Variants in SORBS2 observed in about 807,000 individuals in gnomAD.
SORBS2 encodes sorbin and SH3 domain containing 2.
In SORBS2, 46 loss-of-function variants were observed where a neutral mutation model predicts 97.7. That is an observed-to-expected ratio of 0.47 (90% confidence interval 0.37 to 0.60). The LOEUF is 0.60. Among genes scored for constraint, SORBS2 ranks in the 20% least tolerant of loss-of-function variants. SORBS2 has a pLI of 0.00. For synonymous variants in SORBS2, 476 were observed against 473.4 expected, an observed-to-expected ratio of 1.01 and a Z score of -0.07; for missense variants, 1,316 against 1,282.3, an observed-to-expected ratio of 1.03 and a Z score of -0.40.
intron 1 of SORBS2, among the ~76,000 whole-genome samples, chr4:185,938,204 G>T (rs1478824447): frequency 6.6e-6 from 1 of 151,710 alleles, no homozygotes; most frequent in African/African-American, 2.4e-5. Context: ...CACCAGGTTG[G>T]CCAGGCTAGT....
Position 185,737,139 on chromosome 4 carries a change from T to C in SORBS2, c.-198+38088A>G, listed in dbSNP as rs79741104. ...ACGATTTTTCCCTTTTCAGCAATTATTTAAGTGCTCCAAAAGCATTGCTTC... is the reference window on the plus strand; with the variant it reads ...ACGATTTTTCCCTTTTCAGCAATTACTTAAGTGCTCCAAAAGCATTGCTTC... On this transcript the variant is annotated intron_variant, in intron 2 of 20. Transcript: ENST00000284776. 1.3e-3 allele frequency among the ~76,000 whole-genome samples: 192 copies of C among 152,328 alleles called. 9 individuals carry two copies. The East Asian group carries it at 0.031, about 24-fold the overall frequency.
chr4:185,646,791 A>G lies in SORBS2; in HGVS notation c.282-9T>C. On this transcript the variant is annotated splice_polypyrimidine_tract_variant and intron_variant, in intron 3 of 14. Coordinates refer to ENST00000418609, the Ensembl canonical transcript of SORBS2. The stretch of plus-strand genomic sequence containing the variant: ...GAGGATCCCAGTCATGCCTAGAAAT[A>G]AACAATAAATCACACATTAAAATAA... 1 of 1,493,626 alleles carries G rather than the reference A, an allele frequency of 6.7e-7. No individual in the cohort carries two copies. The highest frequency in any genetic ancestry group is 9.3e-7 in the Non-Finnish European group (1 of 1,070,012). 92.5% of individuals were successfully genotyped at this position (1,493,626 alleles called of 1,614,324 possible). A position where few individuals can be genotyped will look rare whatever the true frequency, so the allele number is the denominator to read the frequency against.
At chr4:185,934,794 A>G (rs1343705315) in intron 1 of SORBS2, among the ~76,000 whole-genome samples, 1 of 151,966 alleles carries the variant, frequency 6.6e-6, no homozygotes. Flanking sequence ...AAAAAAAAAA[A>G]AAATGAGAGA....
At chr4:185,796,352 C>T (rs913742051) in intron 1 of SORBS2, among the ~76,000 whole-genome samples, 2 of 152,220 alleles carry the variant, frequency 1.3e-5, no homozygotes, top group African/African-American at 4.8e-5. Flanking sequence ...TCTGCTTGCT[C>T]GATTTTACTC....
chr4:185,769,339 C>T (rs867681016), intron 2 of SORBS2, among the ~76,000 whole-genome samples: 3 of 152,058 alleles, frequency 2.0e-5, no homozygotes, highest in Non-Finnish European at 2.9e-5. Context: ...TACACTGAAC[C>T]GTCAGAAAGC....
rs547159130 is a variant in SORBS2 at position 185,703,233 on chromosome 4, C to T, written c.-197-24411G>A. Among the ~76,000 whole-genome samples, 7 of 152,298 alleles carry T rather than the reference C, an allele frequency of 4.6e-5. No homozygotes were observed. The East Asian group carries it at 1.3e-3, about 29-fold the overall frequency. ...CTAAAATAGAATCCATTTTATAAATCTGCACCAGAAGAAACAGACAGAACT... is the reference window on the plus strand; with the variant it reads ...CTAAAATAGAATCCATTTTATAAATTTGCACCAGAAGAAACAGACAGAACT... On this transcript the variant is annotated intron_variant, in intron 2 of 20. Transcript: ENST00000284776.
intron 4 of SORBS2, among the ~76,000 whole-genome samples, chr4:185,666,494 A>T (rs1016051746): frequency 3.3e-5 from 5 of 152,164 alleles, no homozygotes; most frequent in African/African-American, 1.2e-4. Context: ...TTTCCTCAGG[A>T]GTTTTAGTTT....
chr4:185,824,591 A>C (rs2099198737), intron 1 of SORBS2, among the ~76,000 whole-genome samples: 1 of 152,132 alleles, frequency 6.6e-6, no homozygotes, highest in African/African-American at 2.4e-5. Flanking sequence ...TGAAAAACCA[A>C]CTCAGGGACA....
intron 2 of SORBS2, among the ~76,000 whole-genome samples, chr4:185,695,024 T>C (rs1457137515): frequency 6.6e-6 from 1 of 151,962 alleles, no homozygotes; most frequent in Non-Finnish European, 1.5e-5. Context: ...TGAATTTCTT[T>C]GGATTATCAG....
At chr4:185,665,994 G>C in intron 4 of SORBS2, 1 of 1,286,088 alleles carries the variant, frequency 7.8e-7, no homozygotes, top group South Asian at 1.2e-5. Context: ...AATGGGAAAG[G>C]CTCTGGGGAT....
intron 1 of SORBS2, among the ~76,000 whole-genome samples, chr4:185,826,994 A>G (rs2099200250): frequency 7.2e-6 from 1 of 139,404 alleles, no homozygotes; most frequent in Non-Finnish European, 1.6e-5. Flanking sequence ...CTACCACTGT[A>G]CCCCACCCCT....
At chr4:185,882,541 C>G (rs1167978234) in intron 1 of SORBS2, among the ~76,000 whole-genome samples, 2 of 152,080 alleles carry the variant, frequency 1.3e-5, no homozygotes, top group Non-Finnish European at 1.5e-5. Flanking sequence ...CAATGTAATT[C>G]CAGTGAAAAT....
chr4:185,877,139 G>C (rs926793208), intron 1 of SORBS2, among the ~76,000 whole-genome samples: 2 of 152,090 alleles, frequency 1.3e-5, no homozygotes, highest in African/African-American at 4.8e-5. Flanking sequence ...AAAATAGCTT[G>C]CTGGAGGCAC....
chr4:185,743,361 T>C (rs1225942796), intron 2 of SORBS2, among the ~76,000 whole-genome samples: 1 of 152,126 alleles, frequency 6.6e-6, no homozygotes, highest in African/African-American at 2.4e-5. Flanking sequence ...CTATTAATTT[T>C]GCGCAGATTT....
chr4:185,782,863 G>A (rs1001709951), intron 1 of SORBS2, among the ~76,000 whole-genome samples: 4 of 152,224 alleles, frequency 2.6e-5, no homozygotes, highest in Admixed American at 6.5e-5. Context: ...GCATTTATTT[G>A]AAAGGAGCTA....
intron 2 of SORBS2, among the ~76,000 whole-genome samples, chr4:185,705,703 A>G (rs1438089229): frequency 1.3e-5 from 2 of 152,222 alleles, no homozygotes; most frequent in Non-Finnish European, 2.9e-5. Flanking sequence ...GTGAATATTT[A>G]TAGAAAGAAG....
rs374657999 is a variant in SORBS2 at position 185,627,246 on chromosome 4, T to A, written c.447-227A>T. Reference sequence around the variant, plus strand: ...TATTTTGAGATGGCTTCTGGCTCTGTCACCCAGGCTGGAAGCGCAGTGGTG... The same window carrying A: ...TATTTTGAGATGGCTTCTGGCTCTGACACCCAGGCTGGAAGCGCAGTGGTG... On this transcript the variant is annotated intron_variant, in intron 5 of 14. Coordinates refer to ENST00000418609, the Ensembl canonical transcript of SORBS2. Among the ~76,000 whole-genome samples, 32 of 152,348 alleles carry A rather than the reference T, an allele frequency of 2.1e-4. No homozygotes were observed. The East Asian group carries it at 5.8e-3, about 28-fold the overall frequency.
At chr4:185,649,315 A>G (rs2097269750) in intron 3 of SORBS2, 152 bp downstream of exon 12, 2 of 569,206 alleles carry the variant, frequency 3.5e-6, no homozygotes, top group African/African-American at 3.9e-5. Context: ...CTACAATCCC[A>G]GCAGAGGAGG....
At chr4:185,836,074 T>A (rs2099207898) in intron 1 of SORBS2, among the ~76,000 whole-genome samples, 1 of 152,142 alleles carries the variant, frequency 6.6e-6, no homozygotes. Context: ...CAAATACGAA[T>A]GTAATAAACG....
Sources: gnomAD v4.1 joint callset for allele counts (sites outside exome capture counted in the v4.1 genomes callset) on GRCh38, gnomAD v4.1.1 for gene constraint, MANE v1.5 for transcripts, NCBI Gene and HGNC (gene_info 2026-07-23, HGNC 2026-07-21) for gene names.